Variants in GRAP2 observed in about 807,000 individuals in gnomAD.
The protein encoded by GRAP2 is GRB2-related adapter protein 2.
In GRAP2, 31 loss-of-function variants were observed where a neutral mutation model predicts 43.5. The ratio of observed to expected loss-of-function variants is 0.71; its 90% CI spans 0.54 to 0.96. GRAP2 has a LOEUF of 0.96. GRAP2 is among the 40% of genes least tolerant of loss of function. The probability of loss-of-function intolerance (pLI) is 0.00; values close to 1 mark genes in which losing one functional copy is unlikely to be tolerated. For missense variants in GRAP2, 371 were observed against 424.4 expected (o/e 0.87, Z 1.11); for synonymous variants, 156 against 164.8 (o/e 0.95, Z 0.41).
chr22:39,927,744 A>G (rs773862852), intron 1 of GRAP2, among the ~76,000 whole-genome samples: 2 of 151,288 alleles, frequency 1.3e-5, no homozygotes, highest in Non-Finnish European at 2.9e-5. Context: ...CTTTTCCACC[A>G]TCCCCCGTGT....
chr22:39,959,451 A>C (rs2067092922), intron 3 of GRAP2, among the ~76,000 whole-genome samples: 2 of 152,056 alleles, frequency 1.3e-5, no homozygotes, highest in South Asian at 2.1e-4. Context: ...AAGCATGTAC[A>C]CTGGACTCCC....
intron 2 of GRAP2, among the ~76,000 whole-genome samples, chr22:39,954,779 A>G (rs1245517899): frequency 6.6e-6 from 1 of 152,238 alleles, no homozygotes; most frequent in Non-Finnish European, 1.5e-5. Flanking sequence ...ACCAGAAGCC[A>G]CATACAGTCA....
At chr22:39,920,775 G>A (rs1042030095) in intron 1 of GRAP2, among the ~76,000 whole-genome samples, 3 of 151,960 alleles carry the variant, frequency 2.0e-5, no homozygotes, top group African/African-American at 4.8e-5. Flanking sequence ...CTCGATTCAT[G>A]TCAGGTCTTA....
At chr22:39,953,846 T>G (rs2067016742) in intron 2 of GRAP2, among the ~76,000 whole-genome samples, 2 of 152,138 alleles carry the variant, frequency 1.3e-5, no homozygotes, top group Admixed American at 1.3e-4. Context: ...ACTCCTGGGC[T>G]CAAGCGATCG....
At position 39,966,048 on chromosome 22, in the gene GRAP2, C is replaced by T. The variant is rs754414010; in HGVS notation, c.349C>T (p.Leu117=). The T allele has an allele frequency of 1.2e-6, 2 of 1,613,690 alleles. No homozygotes were observed. Among genetic ancestry groups the T allele is most frequent in the Non-Finnish European group, 8.5e-7 (1 of 1,179,540 alleles). Residue 117 remains leucine, a synonymous_variant, in exon 5 of 8, where the codon CTG becomes TTG. Transcript: ENST00000344138. ...VMRDNKGNYF[L]WTEKFPSLNK... Reference sequence around the variant, plus strand: ...GCGAGACAACAAGGGTAATTACTTTCTGTGGACTGAGAAGTTTCCATCCCT... The same window carrying T: ...GCGAGACAACAAGGGTAATTACTTTTTGTGGACTGAGAAGTTTCCATCCCT...
intron 1 of GRAP2, among the ~76,000 whole-genome samples, chr22:39,924,390 G>T (rs1010543784): frequency 6.6e-6 from 1 of 152,124 alleles, no homozygotes; most frequent in African/African-American, 2.4e-5. Flanking sequence ...TGAGTTTTAC[G>T]CAGTAGGCTC....
Position 39,911,832 on chromosome 22 carries a change from G to A in GRAP2, c.-15+10502G>A, listed in dbSNP as rs368911862. 5.1e-4 allele frequency among the ~76,000 whole-genome samples: 77 copies of A among 152,304 alleles called. 4 individuals are homozygous for A. The South Asian group carries it at 6.2e-3, about 12-fold the overall frequency. On this transcript the variant is annotated intron_variant, in intron 1 of 7. Coordinates refer to ENST00000344138, the MANE Select transcript of GRAP2 (RefSeq NM_004810.4). ...CCAGCAGCAACGGCACCGCCGGGGAGCCTGTTAGAAGTGAGGATCTCAGAC... is the reference window on the plus strand; with the variant it reads ...CCAGCAGCAACGGCACCGCCGGGGAACCTGTTAGAAGTGAGGATCTCAGAC...
chr22:39,922,581 A>T (rs2145590926), intron 1 of GRAP2, among the ~76,000 whole-genome samples: 1 of 152,256 alleles, frequency 6.6e-6, no homozygotes, highest in Non-Finnish European at 1.5e-5. Context: ...AAGAAGAGAC[A>T]TGGCACAGTC....
intron 1 of GRAP2, among the ~76,000 whole-genome samples, chr22:39,919,382 A>G (rs550221557): frequency 6.6e-6 from 1 of 152,288 alleles, no homozygotes; most frequent in South Asian, 2.1e-4. Flanking sequence ...TTATTTTTGT[A>G]GATTCACAAA....
intron 1 of GRAP2, among the ~76,000 whole-genome samples, chr22:39,940,241 A>G (rs2066853350): frequency 6.6e-6 from 1 of 152,178 alleles, no homozygotes; most frequent in Non-Finnish European, 1.5e-5. Flanking sequence ...TTCCAACATG[A>G]CCAGCTGATT....
chr22:39,960,134 G>A lies in GRAP2; in HGVS notation c.250G>A (p.Ala84Thr). The A allele has an allele frequency of 1.9e-6, 3 of 1,613,226 alleles. No homozygotes were observed. Among genetic ancestry groups the A allele is most frequent in the Non-Finnish European group, 1.7e-6 (2 of 1,179,158 alleles). ...GGAGGTTGGCTTCTTCATCATCCGG[G>A]CCAGCCAGAGCTCCCCAGGGGACTT... ...GKEVGFFIIR[A>T]SQSSPGDFSI... The change falls in exon 4 of 8, where the codon GCC (alanine) becomes ACC (threonine). Residue 84 changes from alanine (A) to threonine (T), a missense_variant. Ala to Thr is a moderately conservative substitution (Grantham distance 58). Transcript: ENST00000344138.
intron 1 of GRAP2, among the ~76,000 whole-genome samples, chr22:39,932,368 G>A (rs574131203): frequency 6.6e-6 from 1 of 152,140 alleles, no homozygotes; most frequent in South Asian, 2.1e-4. Flanking sequence ...CTTCCTGCGA[G>A]CCACAACATG....
chr22:39,935,880 G>A (rs1317013765), intron 1 of GRAP2, among the ~76,000 whole-genome samples: 2 of 152,196 alleles, frequency 1.3e-5, no homozygotes, highest in East Asian at 1.9e-4. Flanking sequence ...GGAGAGGGGC[G>A]CTGAGCGTAT....
At position 39,943,547 on chromosome 22, in the gene GRAP2, G is replaced by A. The variant is rs549626059; in HGVS notation, c.-14-3546G>A. On this transcript the variant is annotated intron_variant, in intron 1 of 7. Coordinates refer to ENST00000344138, the MANE Select transcript of GRAP2 (RefSeq NM_004810.4). ...TGGCATCACCATCTATCAGGTTGGC[G>A]GGGTGGGGGTTGGGGGCTGCTGCTG... is the stretch of plus-strand genomic sequence containing the variant. 1.2e-3 allele frequency among the ~76,000 whole-genome samples: 180 copies of A among 152,088 alleles called. 2 individuals are homozygous for A. Among genetic ancestry groups the A allele is most frequent in the Middle Eastern group, 0.01 (3 of 294 alleles).
chr22:39,936,113 T>C (rs577858953), intron 1 of GRAP2, among the ~76,000 whole-genome samples: 12 of 152,090 alleles, frequency 7.9e-5, no homozygotes, highest in Admixed American at 7.9e-4. Flanking sequence ...AAATGAGAAG[T>C]AAAAGAAAAT....
chr22:39,960,068 G>C lies in GRAP2; in HGVS notation c.184G>C (p.Gly62Arg). The change falls in exon 4 of 8, where the codon GGC becomes CGC. Residue 62 changes from glycine to arginine, a missense_variant. Transcript: ENST00000344138. ...DIQFPKWFHE[G>R]LSRHQAENLL... Reference sequence around the variant, plus strand: ...TCGCCCCCACAGATGGTTTCACGAAGGCCTCTCTCGACACCAGGCAGAGAA... The same window carrying C: ...TCGCCCCCACAGATGGTTTCACGAACGCCTCTCTCGACACCAGGCAGAGAA... The C allele has an allele frequency of 1.2e-6, 2 of 1,613,586 alleles. No individual in the cohort carries two copies. Among genetic ancestry groups the C allele is most frequent in the Non-Finnish European group, 1.7e-6 (2 of 1,179,544 alleles).
At chr22:39,920,767 C>G (rs573621016) in intron 1 of GRAP2, among the ~76,000 whole-genome samples, 2 of 152,074 alleles carry the variant, frequency 1.3e-5, no homozygotes, top group Admixed American at 1.3e-4. Flanking sequence ...AAATATGGCT[C>G]GATTCATGTC....
chr22:39,943,252 C>T (rs2066888502), intron 1 of GRAP2, among the ~76,000 whole-genome samples: 1 of 152,166 alleles, frequency 6.6e-6, no homozygotes, highest in Non-Finnish European at 1.5e-5. Flanking sequence ...TTTTCATCCT[C>T]TGTGGTGGCT....
At chr22:39,915,239 A>G (rs747591789) in intron 1 of GRAP2, among the ~76,000 whole-genome samples, 8 of 151,662 alleles carry the variant, frequency 5.3e-5, no homozygotes, top group Non-Finnish European at 1.2e-4. Context: ...AAATAAAATC[A>G]TTTTATTCTA....
Sources: allele counts gnomAD v4.1 joint callset (sites outside exome capture counted in the v4.1 genomes callset), GRCh38; gene constraint gnomAD v4.1.1; transcripts MANE v1.5; gene names NCBI Gene and HGNC (gene_info 2026-07-23, HGNC 2026-07-21).